SCNN1B: variants seen among roughly 807,000 people sequenced by gnomAD.
The protein encoded by SCNN1B is epithelial sodium channel subunit beta.
In SCNN1B, 46 loss-of-function variants were observed where a neutral mutation model predicts 65.3. The observed-to-expected ratio is 0.70, with a 90% CI of 0.56 to 0.90. The LOEUF (loss-of-function observed/expected upper bound fraction) is 0.90, where lower values mean the gene tolerates loss of function less well. Among genes scored for constraint, SCNN1B ranks in the 40% least tolerant of loss-of-function variants. The probability of loss-of-function intolerance (pLI) is 0.00; values close to 1 mark genes in which losing one functional copy is unlikely to be tolerated. For missense variants in SCNN1B, 751 were observed against 830.5 expected (o/e 0.90, Z 1.18); for synonymous variants, 349 against 330.6 (o/e 1.06, Z -0.60).
intron 1 of SCNN1B, among the ~76,000 whole-genome samples, chr16:23,325,525 C>A (rs1596837191): frequency 6.7e-6 from 1 of 150,004 alleles, no homozygotes; most frequent in Middle Eastern, 3.4e-3. Flanking sequence ...CTTCAGCCTC[C>A]CAAAGTGCTG....
At chr16:23,328,327 A>ATATT (rs1211405876) in intron 1 of SCNN1B, among the ~76,000 whole-genome samples, 1 of 152,212 alleles carries the variant, frequency 6.6e-6, no homozygotes, top group Non-Finnish European at 1.5e-5. Context: ...ACTAAAGTAG[A>ATATT]TATTTAAGTA....
At chr16:23,372,848 C>T (rs916127736) in intron 7 of SCNN1B, among the ~76,000 whole-genome samples, 1 of 150,640 alleles carries the variant, frequency 6.6e-6, no homozygotes, top group Non-Finnish European at 1.5e-5. Context: ...GCCTGTAATC[C>T]CAGCACTTTG....
chr16:23,331,793 G>A (rs1475413532), intron 1 of SCNN1B, among the ~76,000 whole-genome samples: 1 of 152,152 alleles, frequency 6.6e-6, no homozygotes, highest in Admixed American at 6.5e-5. Context: ...AGGAGGGGGA[G>A]CATCTATTCC....
At chr16:23,365,459 AAGAGAAAGAAAAG>A (rs961587296) in intron 4 of SCNN1B, among the ~76,000 whole-genome samples, 11 of 148,408 alleles carry the variant, frequency 7.4e-5, no homozygotes, top group African/African-American at 2.8e-4. Context: ...GAGAAGGAGA[AAGAGAAAGAAAAG>A]AGAGAAAGAA....
At chr16:23,333,000 G>T (rs930805758) in intron 1 of SCNN1B, among the ~76,000 whole-genome samples, 1 of 151,990 alleles carries the variant, frequency 6.6e-6, no homozygotes, top group African/African-American at 2.4e-5. Flanking sequence ...GAACCTGGGG[G>T]GCAGAGGTTG....
At chr16:23,307,114 T>C (rs1392353473) in intron 1 of SCNN1B, among the ~76,000 whole-genome samples, 2 of 152,100 alleles carry the variant, frequency 1.3e-5, no homozygotes, top group East Asian at 1.9e-4. Context: ...ATTCAAAGCA[T>C]GTGAGCCCTT....
exon 1 of SCNN1B, chr16:23,278,258 C>G (rs1270112565): frequency 6.6e-6 from 1 of 152,148 alleles, no homozygotes; most frequent in African/African-American, 2.4e-5. Flanking sequence ...GCTTGAACCT[C>G]AAAACACTTG....
At chr16:23,340,315 G>A (rs1311335436) in intron 1 of SCNN1B, among the ~76,000 whole-genome samples, 1 of 152,104 alleles carries the variant, frequency 6.6e-6, no homozygotes, top group Non-Finnish European at 1.5e-5. Context: ...CAATTTATAA[G>A]TTTCTTATGA....
intron 4 of SCNN1B, among the ~76,000 whole-genome samples, chr16:23,359,672 A>G (rs933534352): frequency 1.1e-4 from 16 of 152,152 alleles, no homozygotes; most frequent in African/African-American, 3.4e-4. Flanking sequence ...CAGCAGCTGC[A>G]GAATTAGGAA....
chr16:23,286,059 G>T (rs1321220329), intron 2 of SCNN1B, among the ~76,000 whole-genome samples: 1 of 152,088 alleles, frequency 6.6e-6, no homozygotes, highest in Admixed American at 6.6e-5. Context: ...AAGAGAAAGA[G>T]AAAACAGAAA....
At chr16:23,301,425 G>GAGAAAGAA (rs1555482926), upstream of SCNN1B, among the ~76,000 whole-genome samples, 4,673 of 149,156 alleles carry the variant, frequency 0.031, 260 homozygotes, top group African/African-American at 0.11. Context: ...GAGAGAGAGA[G>GAGAAAGAA]AGAGAAAGAA....
intron 1 of SCNN1B, among the ~76,000 whole-genome samples, chr16:23,343,577 A>G (rs199785389): frequency 2.2e-5 from 3 of 134,160 alleles, no homozygotes; most frequent in Non-Finnish European, 3.2e-5. Context: ...GAAAGAAAGA[A>G]AAAGAGAAAG....
intron 1 of SCNN1B, among the ~76,000 whole-genome samples, chr16:23,319,476 G>GA (rs58635249): frequency 2.2e-4 from 33 of 147,458 alleles, no homozygotes; most frequent in Non-Finnish European, 3.3e-4. Context: ...TTACATGGTT[G>GA]AAAAAAAAAA....
At chr16:23,314,951 G>A (rs903277467) in intron 1 of SCNN1B, among the ~76,000 whole-genome samples, 5 of 152,198 alleles carry the variant, frequency 3.3e-5, no homozygotes, top group African/African-American at 4.8e-5. Flanking sequence ...TGGGGAACGC[G>A]TGGCCCAGAC....
chr16:23,338,090 A>G (rs1269807430), intron 1 of SCNN1B, among the ~76,000 whole-genome samples: 1 of 152,138 alleles, frequency 6.6e-6, no homozygotes, highest in African/African-American at 2.4e-5. Context: ...CACAACAACA[A>G]AAAAGAAAGG....
chr16:23,307,867 T>C (rs1209562815), intron 1 of SCNN1B, among the ~76,000 whole-genome samples: 1 of 151,506 alleles, frequency 6.6e-6, no homozygotes, highest in Admixed American at 6.6e-5. Flanking sequence ...CCAAGCAACA[T>C]AGCAAGACCC....
intron 4 of SCNN1B, among the ~76,000 whole-genome samples, chr16:23,363,656 T>A (rs1245919879): frequency 1.3e-5 from 2 of 151,754 alleles, no homozygotes; most frequent in Non-Finnish European, 2.9e-5. Context: ...CCACAAAAAA[T>A]TTTACAAATT....
chr16:23,298,771 T>C (rs1418805122), upstream of SCNN1B, among the ~76,000 whole-genome samples: 1 of 152,202 alleles, frequency 6.6e-6, no homozygotes, highest in Non-Finnish European at 1.5e-5. Flanking sequence ...AACACAACAC[T>C]CTTTGTTCAT....
At chr16:23,315,955 A>T (rs2141989302) in intron 1 of SCNN1B, among the ~76,000 whole-genome samples, 1 of 151,762 alleles carries the variant, frequency 6.6e-6, no homozygotes, top group East Asian at 1.9e-4. Flanking sequence ...CATTCCCCTC[A>T]TCACCTCTCA....
Sources: gnomAD v4.1 joint callset for allele counts (sites outside exome capture counted in the v4.1 genomes callset) on GRCh38, gnomAD v4.1.1 for gene constraint, MANE v1.5 for transcripts, NCBI Gene and HGNC (gene_info 2026-07-23, HGNC 2026-07-21) for gene names.